CRLS1: variants seen among roughly 807,000 people sequenced by gnomAD.
CRLS1 encodes cardiolipin synthase (CMP-forming).
A neutral mutation model predicts 37.0 loss-of-function variants in CRLS1; 24 were observed. The observed-to-expected ratio is 0.65, with a 90% confidence interval of 0.47 to 0.91. The LOEUF (loss-of-function observed/expected upper bound fraction) is 0.91. Ranked by LOEUF, CRLS1 falls within the 40% of genes least tolerant of loss-of-function variation. CRLS1 has a pLI of 0.00. For missense variants in CRLS1, 373 were observed against 395.8 expected (o/e 0.94, Z 0.49); for synonymous variants, 135 against 159.7 (o/e 0.85, Z 1.17).
intron 3 of CRLS1, among the ~76,000 whole-genome samples, chr20:6,021,695 C>T (rs1979301466): frequency 6.6e-6 from 1 of 151,982 alleles, no homozygotes; most frequent in Admixed American, 6.5e-5. Context: ...AAGCATTTAA[C>T]CCATTAATAT....
At chr20:6,025,932 T>C (rs1430823738) in intron 3 of CRLS1, among the ~76,000 whole-genome samples, 1 of 152,198 alleles carries the variant, frequency 6.6e-6, no homozygotes, top group African/African-American at 2.4e-5. Context: ...TTTCTAGAGA[T>C]GAAATATACT....
At chr20:6,028,333 GT>G (rs1418358773) in intron 3 of CRLS1, 1 of 152,044 alleles carries the variant, frequency 6.6e-6, no homozygotes, top group Non-Finnish European at 1.5e-5. Context: ...GCAAATCCAA[GT>G]TAATTTCTAC....
intron 1 of CRLS1, among the ~76,000 whole-genome samples, chr20:6,007,725 C>T (rs1388620920): frequency 1.3e-5 from 2 of 152,188 alleles, no homozygotes; most frequent in Admixed American, 6.5e-5. Context: ...CCCACTCTTC[C>T]CTTTGAGTTG....
chr20:6,012,015 T>C (rs1978354480), intron 2 of CRLS1, among the ~76,000 whole-genome samples: 1 of 142,984 alleles, frequency 7.0e-6, no homozygotes, highest in Non-Finnish European at 1.5e-5. Flanking sequence ...TGTAGTCTCC[T>C]TTTTTGTCTG....
chr20:6,033,436 A>G (rs541684176), intron 5 of CRLS1, among the ~76,000 whole-genome samples: 49 of 151,932 alleles, frequency 3.2e-4, no homozygotes, highest in African/African-American at 1.1e-3. Flanking sequence ...GCGCCTGGCT[A>G]TTATTTATTT....
intron 3 of CRLS1, among the ~76,000 whole-genome samples, chr20:6,025,028 C>G (rs2122989181): frequency 6.6e-6 from 1 of 152,302 alleles, no homozygotes; most frequent in Non-Finnish European, 1.5e-5. Flanking sequence ...GATGAAGCAG[C>G]AGGCACTAGT....
At chr20:6,006,595 G>T (rs2090058995) in intron 1 of CRLS1, 43 bp downstream of exon 1, 2 of 1,247,948 alleles carry the variant, frequency 1.6e-6, no homozygotes, top group Admixed American at 4.3e-5. Flanking sequence ...CTGGGCTGGG[G>T]TCGCCGCCCC....
intron 3 of CRLS1, 78 bp downstream of exon 3, chr20:6,015,568 C>T: frequency 7.1e-7 from 1 of 1,404,902 alleles, no homozygotes; most frequent in Admixed American, 1.7e-5. Flanking sequence ...TCTTGAGAGA[C>T]AAATAATTTT....
Position 6,015,433 on chromosome 20 carries a change from G to A in CRLS1, c.517G>A (p.Asp173Asn). ...ALGSALDPLADKILISILYVS... is the reference protein window; with the variant it reads ...ALGSALDPLANKILISILYVS... The stretch of plus-strand genomic sequence containing the variant: ...GGGAAGTGCTCTTGATCCACTTGCT[G>A]ATAAAATACTTATCAGTATCTTATA... The change falls in exon 3 of 7, where the codon GAT becomes AAT. Residue 173 changes from aspartate to asparagine, a missense_variant. Coordinates refer to ENST00000378863, the MANE Select transcript of CRLS1 (RefSeq NM_019095.6). 6.2e-7 allele frequency: 1 copy of A among 1,611,664 alleles called. No homozygotes were observed. The highest frequency in any genetic ancestry group is 8.5e-7 in the Non-Finnish European group (1 of 1,178,022).
intron 6 of CRLS1, 122 bp downstream of exon 6, chr20:6,034,677 TTTGGTGA>T (rs1980421981): frequency 1.4e-6 from 1 of 690,728 alleles, no homozygotes; most frequent in South Asian, 1.8e-5. Context: ...TGTGGCTATA[TTTGGTGA>T]TTGATACCAT....
At chr20:6,024,143 A>C (rs1331492415) in intron 3 of CRLS1, among the ~76,000 whole-genome samples, 1 of 152,004 alleles carries the variant, frequency 6.6e-6, no homozygotes, top group African/African-American at 2.4e-5. Context: ...TTTTATAGAG[A>C]TGGGGTTTCC....
chr20:6,006,102 G>A, upstream of CRLS1: 1 of 406,810 alleles, frequency 2.5e-6, no homozygotes. Context: ...TATAAGTGGA[G>A]TGTGCTGGGG....
chr20:6,006,357 C>T lies in CRLS1; in HGVS notation c.111C>T (p.Pro37=), dbSNP rs907783456. The change falls in exon 1 of 7, where the codon CCC becomes CCT. Residue 37 remains proline, a synonymous_variant. Coordinates refer to ENST00000378863, the MANE Select transcript of CRLS1 (RefSeq NM_019095.6). ...GCGCCTGCTGGGCCCTGCTGCCGCC[C>T]GTGCCCTGCTGCTTGGGCTGCCTGG... The part of the protein sequence containing the change: ...KRRACWALLP[P]VPCCLGCLAE... The T allele has an allele frequency of 3.6e-6, 5 of 1,397,780 alleles. No homozygotes were observed. The highest frequency in any genetic ancestry group is 4.7e-6 in the Non-Finnish European group (5 of 1,073,272). The allele number at this position is 1,397,780 out of a possible 1,614,324, so 86.6% of individuals were successfully genotyped here.
chr20:6,026,340 T>A (rs1470407955), intron 3 of CRLS1: 1 of 132,216 alleles, frequency 7.6e-6, no homozygotes, highest in Non-Finnish European at 1.5e-5. Context: ...TGTGTGTGTG[T>A]GTATATATAT....
chr20:6,012,277 T>C (rs1474044093), intron 2 of CRLS1, among the ~76,000 whole-genome samples: 1 of 152,112 alleles, frequency 6.6e-6, no homozygotes, highest in Non-Finnish European at 1.5e-5. Flanking sequence ...GAAAATGGAT[T>C]ATAGACAGCT....
intron 3 of CRLS1, among the ~76,000 whole-genome samples, chr20:6,022,130 A>G (rs1053850664): frequency 1.3e-5 from 2 of 152,048 alleles, no homozygotes; most frequent in African/African-American, 4.8e-5. Flanking sequence ...TGTCTGAAGT[A>G]TGTTCTTTTG....
At chr20:6,007,635 AT>A (rs1164459306) in intron 1 of CRLS1, among the ~76,000 whole-genome samples, 1 of 152,154 alleles carries the variant, frequency 6.6e-6, no homozygotes, top group Non-Finnish European at 1.5e-5. Context: ...CCTGTGGATA[AT>A]TTCTGAAGTT....
intron 6 of CRLS1, among the ~76,000 whole-genome samples, chr20:6,035,962 A>T (rs1430942094): frequency 6.6e-6 from 1 of 151,490 alleles, no homozygotes; most frequent in Non-Finnish European, 1.5e-5. Flanking sequence ...CCACCACCAT[A>T]CCTGGCCAAT....
At position 6,039,830 on chromosome 20, in the gene CRLS1, G is replaced by A. The variant is rs1008499222; in HGVS notation, c.*2672G>A. 4 of 151,984 alleles carry A rather than the reference G, an allele frequency of 2.6e-5. No individual in the cohort carries two copies. Among genetic ancestry groups the A allele is most frequent in the African/African-American group, 9.7e-5 (4 of 41,370 alleles). 9.4% of individuals were successfully genotyped at this position (151,984 alleles called of 1,614,324 possible). A position where few individuals can be genotyped will look rare whatever the true frequency, so the allele number is the denominator to read the frequency against. ...ATTGGAATGATGTCTGCGAGCTAAG[G>A]AATACTGAGGATTGCTGCCAACCAT... On this transcript the variant is annotated 3_prime_UTR_variant, in exon 7 of 7. Transcript: ENST00000378863.
Sources: allele counts gnomAD v4.1 joint callset (sites outside exome capture counted in the v4.1 genomes callset), GRCh38; gene constraint gnomAD v4.1.1; transcripts MANE v1.5; gene names NCBI Gene and HGNC (gene_info 2026-07-23, HGNC 2026-07-21).